LGALSL: variants seen among roughly 807,000 people sequenced by gnomAD.
The protein encoded by LGALSL is galectin like, also known as galectin-related protein.
LGALSL carries 13 observed loss-of-function variants against 19.5 expected under a neutral mutation model. That is an observed-to-expected ratio of 0.67 (90% confidence interval 0.43 to 1.06). LGALSL has a LOEUF of 1.06. LGALSL is among the 50% of genes least tolerant of loss of function. The pLI, the probability that LGALSL is intolerant of heterozygous loss-of-function variation, is 0.00. For missense variants in LGALSL, 189 were observed against 219.3 expected (o/e 0.86, Z 0.87); for synonymous variants, 86 against 78.3 (o/e 1.10, Z -0.52).
rs1686772782 is a variant in LGALSL, at chr2:64,458,603, C to T, written c.*175C>T. ...AAGCTGTTGGGACAAAGACACCGAG[C>T]CATTATACCCAGAATAAAATAATAC... is the stretch of plus-strand genomic sequence containing the variant. On this transcript the variant is annotated 3_prime_UTR_variant, in exon 5 of 5. Coordinates refer to ENST00000238875, the MANE Select transcript of LGALSL (RefSeq NM_014181.3). 3.7e-6 allele frequency: 2 copies of T among 535,930 alleles called. No homozygotes were observed. The highest frequency in any genetic ancestry group is 3.1e-5 in the South Asian group (1 of 31,746). The allele number at this position is 535,930 out of a possible 1,614,324, so 33.2% of individuals were successfully genotyped here.
At position 64,458,410 on chromosome 2, in the gene LGALSL, G is replaced by C; in HGVS notation, c.501G>C (p.Gln167His). Residue 167 changes from glutamine (Q) to histidine (H), a missense_variant, in exon 5 of 5, where the codon CAG becomes CAC. Around this residue, in one of 3 missense-constraint regions of LGALSL, gnomAD observed 106 missense variants for 119.3 expected, o/e 0.89. Coordinates refer to ENST00000238875, the MANE Select transcript of LGALSL (RefSeq NM_014181.3). ...IDTIKINGDL[Q>H]ITKLG is the part of the protein sequence containing the mutation. ...CCATAAAGATAAATGGAGACCTCCA[G>C]ATCACCAAGCTTGGCTGATTTAAAC... 6.2e-7 allele frequency: 1 copy of C among 1,613,430 alleles called. No homozygotes were observed. The highest frequency in any genetic ancestry group is 8.5e-7 in the Non-Finnish European group (1 of 1,179,734).
intron 4 of LGALSL, among the ~76,000 whole-genome samples, chr2:64,457,459 G>T (rs1686754514): frequency 6.6e-6 from 1 of 151,828 alleles, no homozygotes; most frequent in Non-Finnish European, 1.5e-5. Flanking sequence ...AAGTAGTAAT[G>T]GTGTTAAAAA....
In LGALSL at chr2:64,454,216, C is replaced by T; in HGVS notation, c.-330C>T. 1 of 395,126 alleles carries T rather than the reference C, an allele frequency of 2.5e-6. No homozygotes were observed. Among genetic ancestry groups the T allele is most frequent in the Non-Finnish European group, 4.5e-6 (1 of 223,748 alleles). The allele number at this position is 395,126 out of a possible 1,614,324, so 24.5% of individuals were successfully genotyped here. On this transcript the variant is annotated 5_prime_UTR_variant, in exon 1 of 5. The change creates a new upstream start codon in the 5' untranslated region. Coordinates refer to ENST00000238875, the MANE Select transcript of LGALSL (RefSeq NM_014181.3). The surrounding 1 kb of genome is among the most constrained non-coding windows in gnomAD (Gnocchi z 5.1). Reference sequence around the variant, plus strand: ...GCCTTTAAATGCTGCCCAGGGCCGACGCGGCACGGCCCTCGCCACTTTTCT... The same window carrying T: ...GCCTTTAAATGCTGCCCAGGGCCGATGCGGCACGGCCCTCGCCACTTTTCT...
chr2:64,455,950 G>A (rs1172202288), intron 3 of LGALSL, among the ~76,000 whole-genome samples: 1 of 145,012 alleles, frequency 6.9e-6, no homozygotes, highest in Non-Finnish European at 1.5e-5. Context: ...TTTTTTAATG[G>A]TTTTGAAACA....
rs774278352 is a variant in LGALSL at position 64,456,371 on chromosome 2, G to A, written c.281G>A (p.Arg94Gln). The change falls in exon 4 of 5, where the codon CGG becomes CAG. Residue 94 changes from arginine to glutamine, a missense_variant. Arg to Gln is a conservative substitution (Grantham distance 43). Transcript: ENST00000238875. ...GAACTCAAAGCTGTGTTCACAGATCGGCAGCTACTCAGAAATTCTTGTATA... is the reference window on the plus strand; with the variant it reads ...GAACTCAAAGCTGTGTTCACAGATCAGCAGCTACTCAGAAATTCTTGTATA... ...AIELKAVFTD[R>Q]QLLRNSCISG... 21 of 1,611,954 alleles carry A rather than the reference G, an allele frequency of 1.3e-5. No homozygotes were observed. In the Middle Eastern group the frequency reaches 1.3e-3, roughly 101 times the overall value.
At chr2:64,457,122 C>T (rs1686748602) in intron 4 of LGALSL, among the ~76,000 whole-genome samples, 1 of 152,126 alleles carries the variant, frequency 6.6e-6, no homozygotes, top group Non-Finnish European at 1.5e-5. Flanking sequence ...CTATGAAAGG[C>T]AATGCCAAAT....
intron 3 of LGALSL, 61 bp downstream of exon 3, chr2:64,455,738 T>A: frequency 7.8e-7 from 1 of 1,281,382 alleles, no homozygotes; most frequent in Non-Finnish European, 1.1e-6. Flanking sequence ...TGCCCACTTC[T>A]GTTGTGGTTT....
Position 64,454,883 on chromosome 2 carries a change from G to T in LGALSL, c.36+302G>T, listed in dbSNP as rs1245933847. ...CAGCCAGGTGTGCGCGTGGGTGAGT[G>T]TGTCCGGGGCGCGCGCCCCGCCACC... On this transcript the variant is annotated intron_variant, in intron 1 of 4. Transcript: ENST00000238875. This position sits in a 1 kb window ranked among gnomAD's most constrained non-coding sequence, Gnocchi z 5.1. Among the ~76,000 whole-genome samples the T allele has an allele frequency of 6.6e-6, 1 of 150,574 alleles. No individual in the cohort carries two copies. Among genetic ancestry groups the T allele is most frequent in the East Asian group, 2.0e-4 (1 of 4,992 alleles).
At chr2:64,456,534 C>G in intron 4 of LGALSL, 69 bp downstream of exon 4, 4 of 1,276,060 alleles carry the variant, frequency 3.1e-6, no homozygotes, top group Non-Finnish European at 4.2e-6. Flanking sequence ...CTAGTGTGTG[C>G]CAAGAACACT....
Position 64,455,636 on chromosome 2 carries a change from G to A in LGALSL, c.156G>A (p.Lys52=). The change falls in exon 3 of 5, where the codon AAG becomes AAA. Residue 52 remains lysine, a synonymous_variant. Coordinates refer to ENST00000238875, the MANE Select transcript of LGALSL (RefSeq NM_014181.3). ...GHIKGGMRPG[K]KVLVMGIVDL... is the part of the protein sequence containing the mutation. ...TTAAAGGTGGCATGAGACCAGGCAA[G>A]AAGGTGTTAGTGATGGGCATCGTAG... 1.2e-6 allele frequency: 2 copies of A among 1,614,134 alleles called. No individual in the cohort carries two copies. Among genetic ancestry groups the A allele is most frequent in the African/African-American group, 1.3e-5 (1 of 75,046 alleles).
intron 1 of LGALSL, 37 bp from the exon 2 acceptor site, chr2:64,455,307 G>T: frequency 7.1e-7 from 1 of 1,410,418 alleles, no homozygotes; most frequent in Non-Finnish European, 1.0e-6. Context: ...CCAAAAAAGA[G>T]CCCATGGAAA....
intron 4 of LGALSL, 106 bp downstream of exon 4, chr2:64,456,571 C>T: frequency 1.1e-6 from 1 of 910,696 alleles, no homozygotes. Flanking sequence ...TCTGCATGTC[C>T]AGGAAATTTG....
chr2:64,455,198 T>TA (rs1686713898), intron 1 of LGALSL, 146 bp from the exon 2 acceptor site: 2 of 678,224 alleles, frequency 2.9e-6, no homozygotes, highest in Non-Finnish European at 5.3e-6. Context: ...GTGATGAGAT[T>TA]ATCTAAGAGA....
intron 4 of LGALSL, among the ~76,000 whole-genome samples, chr2:64,456,772 A>G (rs1686743639): frequency 6.6e-6 from 1 of 152,162 alleles, no homozygotes; most frequent in Non-Finnish European, 1.5e-5. Context: ...ACCCCCAAAT[A>G]TCTGATTGAT....
chr2:64,456,959 T>C (rs1388326053), intron 4 of LGALSL, among the ~76,000 whole-genome samples: 2 of 152,214 alleles, frequency 1.3e-5, no homozygotes, highest in South Asian at 2.1e-4. Context: ...CTGGATTAAT[T>C]AGCCTCAGTC....
intron 4 of LGALSL, among the ~76,000 whole-genome samples, chr2:64,456,954 T>C (rs1409310210): frequency 6.6e-6 from 1 of 152,218 alleles, no homozygotes; most frequent in Non-Finnish European, 1.5e-5. Context: ...CCCCTCTGGA[T>C]TAATTAGCCT....
Position 64,458,315 on chromosome 2 carries a change from C to T in LGALSL, c.406C>T (p.Arg136Ter), listed in dbSNP as rs1295637694. 6 of 1,613,732 alleles carry T rather than the reference C, an allele frequency of 3.7e-6. No individual in the cohort carries two copies. The highest frequency in any genetic ancestry group is 3.3e-5 in the Admixed American group (2 of 59,968). ...VEILCEHPRF[R>*]VFVDGHQLFD... ...AATTCTTTGTGAGCACCCACGTTTC[C>T]GAGTGTTTGTGGATGGACACCAACT... The change falls in exon 5 of 5, where the codon CGA becomes TGA. Residue 136 changes from arginine to a stop codon, truncating the protein, a stop_gained. Transcript: ENST00000238875. LOFTEE classifies it high-confidence loss of function.
chr2:64,454,741 C>T lies in LGALSL; in HGVS notation c.36+160C>T, dbSNP rs1222325637. On this transcript the variant is annotated intron_variant, in intron 1 of 4. Coordinates refer to ENST00000238875, the MANE Select transcript of LGALSL (RefSeq NM_014181.3). This position sits in a 1 kb window ranked among gnomAD's most constrained non-coding sequence, Gnocchi z 5.1. ...CCTGTTAGCAGCCGCTGGCTGCGCG[C>T]GGCCGGTGTTAGGGGCTGGAGAGGC... is the stretch of plus-strand genomic sequence containing the variant. Among the ~76,000 whole-genome samples the T allele has an allele frequency of 2.0e-5, 3 of 152,046 alleles. No homozygotes were observed. The East Asian group carries it at 5.8e-4, about 29-fold the overall frequency.
rs1437073336 is a variant in LGALSL at position 64,454,384 on chromosome 2, G to T, written c.-162G>T. On this transcript the variant is annotated 5_prime_UTR_variant, in exon 1 of 5. It adds an upstream start codon to the 5' untranslated region. Transcript: ENST00000238875. This position sits in a 1 kb window ranked among gnomAD's most constrained non-coding sequence, Gnocchi z 5.1. ...CCCTCCTCCCAGGCTCTGCCTGCCA[G>T]GTCGGCGCCGGGCCCCGGGCGCGCG... The T allele has an allele frequency of 2.6e-6, 1 of 386,034 alleles. No individual in the cohort carries two copies. Among genetic ancestry groups the T allele is most frequent in the African/African-American group, 2.1e-5 (1 of 47,278 alleles). 23.9% of individuals were successfully genotyped at this position (386,034 alleles called of 1,614,324 possible). A position where few individuals can be genotyped will look rare whatever the true frequency, so the allele number is the denominator to read the frequency against.
Sources: gnomAD v4.1 joint callset for allele counts (sites outside exome capture counted in the v4.1 genomes callset) on GRCh38, gnomAD v4.1.1 for gene constraint, gnomAD v4.1.1 regional missense constraint, Gnocchi (gnomAD v3.1) non-coding constraint, MANE v1.5 for transcripts, NCBI Gene and HGNC (gene_info 2026-07-23, HGNC 2026-07-21) for gene names.